Variants in VPS13A observed in about 807,000 individuals in gnomAD.
VPS13A encodes the protein vacuolar protein sorting 13 homolog A.
A neutral mutation model predicts 390.9 loss-of-function variants in VPS13A; 264 were observed. That is an observed-to-expected ratio of 0.68 (90% confidence interval 0.61 to 0.75). The LOEUF (loss-of-function observed/expected upper bound fraction) is 0.75. Ranked by LOEUF, VPS13A falls within the 30% of genes least tolerant of loss-of-function variation. VPS13A has a pLI of 0.00. For missense variants in VPS13A, 3,409 were observed against 3,733.9 expected, an observed-to-expected ratio of 0.91 and a Z score of 2.27; for synonymous variants, 1,231 against 1,227.1, an observed-to-expected ratio of 1.00 and a Z score of -0.07.
rs1263125141 is a variant in VPS13A at position 77,419,663 on chromosome 9, GA to G, written c.*3662del. ...ATTCAGTGGGACCAGAAAAAGCATA[GA>G]AAAATTAGATCCACACACAGCACCC... On this transcript the variant is annotated 3_prime_UTR_variant, in exon 72 of 72. Coordinates refer to ENST00000360280, the MANE Select transcript of VPS13A (RefSeq NM_033305.3). The G allele has an allele frequency of 2.0e-5, 3 of 152,194 alleles. No individual in the cohort carries two copies. The highest frequency in any genetic ancestry group is 4.4e-5 in the Non-Finnish European group (3 of 68,038). 9.4% of individuals were successfully genotyped at this position (152,194 alleles called of 1,614,324 possible).
rs548367975 is a variant in VPS13A at position 77,323,531 on chromosome 9, TA to T, written c.5991+305del. Among the ~76,000 whole-genome samples, 15 of 152,286 alleles carry T rather than the reference TA, an allele frequency of 9.8e-5. No homozygotes were observed. In the East Asian group the frequency reaches 2.5e-3, roughly 25 times the overall value. ...CTTTGTAATGTATTTATATCCTTTCTATTTGATTAGATAATTTTTAGAGAAA... is the reference window on the plus strand; with the variant it reads ...CTTTGTAATGTATTTATATCCTTTCTTTTGATTAGATAATTTTTAGAGAAA... On this transcript the variant is annotated intron_variant, in intron 45 of 71. Transcript: ENST00000360280.
chr9:77,272,621 A>G (rs1055352647), intron 23 of VPS13A, among the ~76,000 whole-genome samples: 3 of 152,194 alleles, frequency 2.0e-5, no homozygotes, highest in African/African-American at 7.2e-5. Flanking sequence ...GGCAGGGGTA[A>G]ACGATGCATT....
intron 68 of VPS13A, among the ~76,000 whole-genome samples, chr9:77,394,509 G>C (rs1834043673): frequency 6.6e-6 from 1 of 152,136 alleles, no homozygotes; most frequent in South Asian, 2.1e-4. Flanking sequence ...TTCAAGTCCA[G>C]GTTGAGCAAA....
intron 47 of VPS13A, chr9:77,338,841 G>T (rs937647683): frequency 6.6e-6 from 1 of 152,344 alleles, no homozygotes; most frequent in Non-Finnish European, 1.5e-5. Flanking sequence ...GATGCTGTTA[G>T]TGATCACATT....
At chr9:77,336,452 T>A (rs1292861404) in intron 46 of VPS13A, among the ~76,000 whole-genome samples, 4 of 152,228 alleles carry the variant, frequency 2.6e-5, no homozygotes. Flanking sequence ...TGACTACGTT[T>A]TAATAACATT....
intron 68 of VPS13A, chr9:77,382,314 A>G: frequency 6.5e-7 from 1 of 1,542,984 alleles, no homozygotes; most frequent in Non-Finnish European, 8.7e-7. Context: ...TTAATGCATG[A>G]CTTTGCAAGT....
intron 27 of VPS13A, among the ~76,000 whole-genome samples, chr9:77,281,094 A>C (rs534855886): frequency 6.8e-6 from 1 of 147,398 alleles, no homozygotes; most frequent in Non-Finnish European, 1.5e-5. Context: ...AACTTATAGA[A>C]GTAGAGAGCA....
In VPS13A at chr9:77,366,857, A is replaced by G; in HGVS notation, c.8456A>G (p.Gln2819Arg). ...ATTGGTGCCACACTGACAGATGTAC[A>G]AGATGTAGTTTTTAAGTATGTTTAG... ...KSIGATLTDV[Q>R]DVVFKLAFFE... The change falls in exon 61 of 72, where the codon CAA becomes CGA. Residue 2819 changes from glutamine to arginine, a missense_variant. This residue lies in a region of VPS13A where 123 missense variants were observed against 118.7 expected (regional missense o/e 1.04). Transcript: ENST00000360280. 1 of 1,612,822 alleles carries G rather than the reference A, an allele frequency of 6.2e-7. No homozygotes were observed. Among genetic ancestry groups the G allele is most frequent in the Middle Eastern group, 1.7e-4 (1 of 6,054 alleles).
intron 22 of VPS13A, among the ~76,000 whole-genome samples, chr9:77,257,793 C>T (rs1203641522): frequency 3.3e-5 from 5 of 152,106 alleles, no homozygotes; most frequent in Non-Finnish European, 7.4e-5. Context: ...AAGTTAGCTT[C>T]AATTGCATGC....
rs79516609 is a variant in VPS13A, at chr9:77,363,727, G to A, written c.8212-1733G>A. ...TAGCCAGTATCTTCTGTAAATCAATGACTTTCCTTTTAGTTGTCTTTCACC... is the reference window on the plus strand; with the variant it reads ...TAGCCAGTATCTTCTGTAAATCAATAACTTTCCTTTTAGTTGTCTTTCACC... On this transcript the variant is annotated intron_variant, in intron 59 of 71. Transcript: ENST00000360280. Among the ~76,000 whole-genome samples, 1,077 of 152,216 alleles carry A rather than the reference G, an allele frequency of 7.1e-3. 10 individuals carry two copies. Among genetic ancestry groups the A allele is most frequent in the East Asian group, 0.021 (108 of 5,178 alleles).
chr9:77,408,714 A>C (rs531079704), intron 71 of VPS13A, among the ~76,000 whole-genome samples: 1 of 152,300 alleles, frequency 6.6e-6, no homozygotes, highest in South Asian at 2.1e-4. Flanking sequence ...AGTCAGTCTG[A>C]GATCAAAGTG....
At chr9:77,318,671 T>A in intron 41 of VPS13A, 80 bp downstream of exon 41, 1 of 1,277,538 alleles carries the variant, frequency 7.8e-7, no homozygotes, top group East Asian at 2.3e-5. Flanking sequence ...TATGGAATAT[T>A]ATGGAATCTT....
intron 50 of VPS13A, 34 bp downstream of exon 50, chr9:77,340,584 G>C (rs373121552): frequency 6.2e-7 from 1 of 1,610,152 alleles, no homozygotes; most frequent in Non-Finnish European, 8.5e-7. Flanking sequence ...ATACCTCTTT[G>C]GATTCTATTT....
intron 68 of VPS13A, among the ~76,000 whole-genome samples, chr9:77,398,458 C>T (rs1220565471): frequency 6.6e-6 from 1 of 152,096 alleles, no homozygotes; most frequent in East Asian, 1.9e-4. Context: ...TCCTCAGTTT[C>T]TTTGTGTGTA....
rs747957404 is a variant in VPS13A at position 77,384,634 on chromosome 9, A to G, written c.9189+2547A>G. On this transcript the variant is annotated intron_variant, in intron 68 of 71. Transcript: ENST00000360280. Reference sequence around the variant, plus strand: ...ATTATGACTCACAGTAGCAGTAGTGATGATGATGATGATGATGATGATGAT... The same window carrying G: ...ATTATGACTCACAGTAGCAGTAGTGGTGATGATGATGATGATGATGATGAT... The G allele has an allele frequency of 6.2e-6, 9 of 1,440,288 alleles. No individual in the cohort carries two copies. The East Asian group carries it at 1.0e-4, about 16-fold the overall frequency. 89.2% of individuals were successfully genotyped at this position (1,440,288 alleles called of 1,614,324 possible).
intron 1 of VPS13A, among the ~76,000 whole-genome samples, chr9:77,179,611 G>C (rs1212131383): frequency 2.0e-5 from 3 of 151,668 alleles, no homozygotes; most frequent in African/African-American, 7.3e-5. Context: ...AAACATTCAC[G>C]TACGGGTGTT....
chr9:77,281,304 C>T (rs1827011502), intron 27 of VPS13A, among the ~76,000 whole-genome samples: 1 of 144,938 alleles, frequency 6.9e-6, no homozygotes, highest in Non-Finnish European at 1.5e-5. Flanking sequence ...AATGTCTCAC[C>T]ACAAAGAAAG....
Position 77,382,189 on chromosome 9 carries a change from T to C in VPS13A, c.9189+102T>C, listed in dbSNP as rs189684729. On this transcript the variant is annotated intron_variant, in intron 68 of 71. Transcript: ENST00000360280. ...ATTAAATTATTTGGGCTTTTATCTATTTTGCTTAATTCCACTTATAAGTTT... is the reference window on the plus strand; with the variant it reads ...ATTAAATTATTTGGGCTTTTATCTACTTTGCTTAATTCCACTTATAAGTTT... 1.7e-5 allele frequency: 23 copies of C among 1,332,962 alleles called. No homozygotes were observed. In the Admixed American group the frequency reaches 6.4e-4, roughly 37 times the overall value. The allele number at this position is 1,332,962 out of a possible 1,614,324, so 82.6% of individuals were successfully genotyped here. A position where few individuals can be genotyped will look rare whatever the true frequency, so the allele number is the denominator to read the frequency against.
chr9:77,274,426 C>CAAAAA (rs889400152), intron 24 of VPS13A, among the ~76,000 whole-genome samples: 3 of 62,188 alleles, frequency 4.8e-5, no homozygotes, highest in Non-Finnish European at 9.5e-5. Context: ...GAGTCCGAAT[C>CAAAAA]AAAAAAAAAA....
Sources: allele counts gnomAD v4.1 joint callset (sites outside exome capture counted in the v4.1 genomes callset), GRCh38; gene constraint gnomAD v4.1.1; regional missense constraint gnomAD v4.1.1; transcripts MANE v1.5; gene names NCBI Gene and HGNC (gene_info 2026-07-23, HGNC 2026-07-21).